MED6: variants seen among roughly 807,000 people sequenced by gnomAD.
MED6 encodes the protein mediator of RNA polymerase II transcription subunit 6.
In MED6, 33 loss-of-function variants were observed where a neutral mutation model predicts 37.5. The observed-to-expected ratio is 0.88, with a 90% CI of 0.67 to 1.18. The LOEUF (loss-of-function observed/expected upper bound fraction) is 1.18, where lower values mean the gene tolerates loss of function less well. Ranked by LOEUF, MED6 falls within the 50% of genes most tolerant of loss-of-function variation. The pLI is 0.00. For synonymous variants in MED6, 94 were observed against 93.6 expected (o/e 1.00, Z -0.02); for missense variants, 235 against 290.6 (o/e 0.81, Z 1.39).
intron 5 of MED6, 125 bp downstream of exon 5, chr14:70,592,755 A>G (rs1301458901): frequency 9.8e-7 from 1 of 1,024,104 alleles, no homozygotes; most frequent in African/African-American, 1.6e-5. Flanking sequence ...AGCTGCAACA[A>G]AGCCATCATC....
At chr14:70,599,178 G>A (rs1885131864) in intron 1 of MED6, among the ~76,000 whole-genome samples, 2 of 152,118 alleles carry the variant, frequency 1.3e-5, no homozygotes, top group African/African-American at 2.4e-5. Context: ...AAAGAAGTCA[G>A]ACCTAATTCA....
chr14:70,584,947 G>T lies in MED6; in HGVS notation c.611-4C>A. ...GCCTCTTTCTTTGTTTGATCCACTAGATATCAAAAGTAGATTTTTTGGGAG... is the reference window on the plus strand; with the variant it reads ...GCCTCTTTCTTTGTTTGATCCACTATATATCAAAAGTAGATTTTTTGGGAG... On this transcript the variant is annotated splice_polypyrimidine_tract_variant and splice_region_variant and intron_variant, in intron 7 of 7. Coordinates refer to ENST00000256379, the MANE Select transcript of MED6 (RefSeq NM_005466.4). The T allele has an allele frequency of 6.2e-7, 1 of 1,611,726 alleles. No homozygotes were observed. Among genetic ancestry groups the T allele is most frequent in the African/African-American group, 1.3e-5 (1 of 74,714 alleles).
At chr14:70,599,992 T>C (rs1885157309) in intron 1 of MED6, among the ~76,000 whole-genome samples, 1 of 152,128 alleles carries the variant, frequency 6.6e-6, no homozygotes, top group African/African-American at 2.4e-5. Flanking sequence ...AAAACAACTC[T>C]ACATGCTCCC....
At chr14:70,591,839 T>TA (rs200880719) in intron 5 of MED6, 8 of 150,230 alleles carry the variant, frequency 5.3e-5, no homozygotes, top group East Asian at 1.9e-4. Context: ...TGTAATTCAC[T>TA]AAAAAAAAAT....
chr14:70,595,004 A>G, intron 3 of MED6: 1 of 581,916 alleles, frequency 1.7e-6, no homozygotes, highest in Non-Finnish European at 3.4e-6. Flanking sequence ...GACAATGCCC[A>G]CATTGTTCTG....
chr14:70,593,830 TG>T (rs1443314998), intron 3 of MED6, among the ~76,000 whole-genome samples: 3 of 152,162 alleles, frequency 2.0e-5, no homozygotes, highest in Non-Finnish European at 2.9e-5. Flanking sequence ...CAAGACAGAC[TG>T]GGGGGTCCAG....
rs555126414 is a variant in MED6 at position 70,598,647 on chromosome 14, G to A, written c.23-870C>T. Among the ~76,000 whole-genome samples the A allele has an allele frequency of 4.5e-4, 68 of 152,228 alleles. No individual in the cohort carries two copies. In the South Asian group the frequency reaches 0.014, roughly 31 times the overall value. On this transcript the variant is annotated intron_variant, in intron 1 of 7. Coordinates refer to ENST00000256379, the MANE Select transcript of MED6 (RefSeq NM_005466.4). ...TCCAAGCAGAGAGAATGTATATACA[G>A]AGGTGTAAAAATATAAAGTATATTA...
In MED6 at chr14:70,584,844, C is replaced by A. The variant is rs764810968; in HGVS notation, c.710G>T (p.Gly237Val). The A allele has an allele frequency of 6.2e-7, 1 of 1,614,044 alleles. No homozygotes were observed. Among genetic ancestry groups the A allele is most frequent in the Non-Finnish European group, 8.5e-7 (1 of 1,180,000 alleles). ...KNVQQTVSAK[G>V]PPEKRMRLQ Reference sequence around the variant, plus strand: ...AAGTCTCATCCGTTTTTCAGGGGGGCCTTTAGCACTCACTGTCTGTTGTAC... The same window carrying A: ...AAGTCTCATCCGTTTTTCAGGGGGGACTTTAGCACTCACTGTCTGTTGTAC... Residue 237 changes from glycine to valine, a missense_variant, in exon 8 of 8, where the codon GGC (glycine) becomes GTC (valine). By Grantham distance (109) the Gly-to-Val change is moderately radical (BLOSUM62 -3). Transcript: ENST00000256379.
At chr14:70,596,093 C>T (rs1333461199) in intron 3 of MED6, 1 of 210,784 alleles carries the variant, frequency 4.7e-6, no homozygotes, top group East Asian at 1.2e-4. Flanking sequence ...GATAGTTAGG[C>T]TGGTTGTACC....
chr14:70,588,060 G>A (rs1018346593), intron 6 of MED6, among the ~76,000 whole-genome samples: 1 of 152,208 alleles, frequency 6.6e-6, no homozygotes, highest in Non-Finnish European at 1.5e-5. Context: ...GGTAGTTCTG[G>A]AGGATGCAAT....
In MED6 at chr14:70,584,215, A is replaced by C. The variant is rs568591390; in HGVS notation, c.*598T>G. On this transcript the variant is annotated 3_prime_UTR_variant, in exon 8 of 8. Coordinates refer to ENST00000256379, the MANE Select transcript of MED6 (RefSeq NM_005466.4). ...ATCTGAAAAATATCAGTTATGATGA[A>C]GAAAAAAGTCATGATGAAGCAATAT... 1.9e-5 allele frequency: 14 copies of C among 743,814 alleles called. No individual in the cohort carries two copies. The Admixed American group carries it at 2.6e-4, about 14-fold the overall frequency. The allele number at this position is 743,814 out of a possible 1,614,324, so 46.1% of individuals were successfully genotyped here.
chr14:70,597,868 A>G, intron 1 of MED6, 91 bp from the exon 2 acceptor site: 1 of 1,028,522 alleles, frequency 9.7e-7, no homozygotes, highest in Non-Finnish European at 1.3e-6. Context: ...TGTAGTAGGC[A>G]CTATGAATAT....
At chr14:70,591,154 A>AT in intron 6 of MED6, 112 bp downstream of exon 6, 9 of 791,280 alleles carry the variant, frequency 1.1e-5, no homozygotes, top group Non-Finnish European at 1.8e-5. Context: ...TTTTTTAACT[A>AT]ATGAGGAAAA....
intron 7 of MED6, among the ~76,000 whole-genome samples, chr14:70,585,420 TTAAGAG>T (rs1314321891): frequency 2.0e-5 from 3 of 152,072 alleles, no homozygotes; most frequent in Non-Finnish European, 4.4e-5. Flanking sequence ...CTCTCAAAGA[TTAAGAG>T]TAAAAAACTA....
At position 70,590,870 on chromosome 14, in the gene MED6, A is replaced by G. The variant is rs1369134602; in HGVS notation, c.582+396T>C. On this transcript the variant is annotated intron_variant, in intron 6 of 7. Transcript: ENST00000256379. ...TCAGATGTTCTGTTCTTTTTGTTAC[A>G]CAAGTGTTAACTATTCTATCATTTA... is the stretch of plus-strand genomic sequence containing the variant. Among the ~76,000 whole-genome samples the G allele has an allele frequency of 2.0e-5, 3 of 152,212 alleles. No homozygotes were observed. The East Asian group carries it at 5.8e-4, about 29-fold the overall frequency.
intron 2 of MED6, 100 bp from the exon 3 acceptor site, chr14:70,596,802 T>C: frequency 1.1e-6 from 1 of 872,866 alleles, no homozygotes; most frequent in Non-Finnish European, 1.8e-6. Context: ...ACACTTTAAA[T>C]AGGATTAAAA....
At chr14:70,596,439 G>A in intron 3 of MED6, 172 bp downstream of exon 3, 1 of 523,266 alleles carries the variant, frequency 1.9e-6, no homozygotes, top group Non-Finnish European at 3.4e-6. Flanking sequence ...AATCTTAGCT[G>A]TAAGTACAAC....
At chr14:70,590,286 CACTCATCACCCT>C (rs1311420197) in intron 6 of MED6, among the ~76,000 whole-genome samples, 2 of 152,212 alleles carry the variant, frequency 1.3e-5, no homozygotes, top group African/African-American at 2.4e-5. Flanking sequence ...CTGTAGAGGT[CACTCATCACCCT>C]ACTACAGCTA....
Position 70,584,697 on chromosome 14 carries a change from G to T in MED6, c.*116C>A. The T allele has an allele frequency of 7.5e-7, 1 of 1,327,958 alleles. No homozygotes were observed. Among genetic ancestry groups the T allele is most frequent in the Non-Finnish European group, 1.0e-6 (1 of 973,680 alleles). The allele number at this position is 1,327,958 out of a possible 1,614,324, so 82.3% of individuals were successfully genotyped here. On this transcript the variant is annotated 3_prime_UTR_variant, in exon 8 of 8. Transcript: ENST00000256379. Reference sequence around the variant, plus strand: ...GGCCTAATATCCTTTCAAAAAATAAGCGCATTCCATACAAATAAGAAGGTT... The same window carrying T: ...GGCCTAATATCCTTTCAAAAAATAATCGCATTCCATACAAATAAGAAGGTT...
Sources: gnomAD v4.1 joint callset for allele counts (sites outside exome capture counted in the v4.1 genomes callset) on GRCh38, gnomAD v4.1.1 for gene constraint, MANE v1.5 for transcripts, NCBI Gene and HGNC (gene_info 2026-07-23, HGNC 2026-07-21) for gene names.